The following GRIK4 variants were observed in gnomAD, a reference collection of about 807,000 sequenced individuals.
GRIK4 encodes the protein glutamate receptor ionotropic, kainate 4.
A neutral mutation model predicts 104.9 loss-of-function variants in GRIK4; 40 were observed. The ratio of observed to expected loss-of-function variants is 0.38; its 90% CI spans 0.30 to 0.50. The LOEUF is 0.50. Among genes scored for constraint, GRIK4 ranks in the 20% least tolerant of loss-of-function variants. The pLI is 0.93. For synonymous variants in GRIK4, 485 were observed against 524.9 expected (o/e 0.92, Z 1.04); for missense variants, 1,047 against 1,308.1 (o/e 0.80, Z 3.08).
In GRIK4 at chr11:120,819,904, C is replaced by T. The variant is rs980327996; in HGVS notation, c.495C>T (p.Ile165=). The T allele has an allele frequency of 3.1e-6, 5 of 1,614,004 alleles. No individual in the cohort carries two copies. The highest frequency in any genetic ancestry group is 4.2e-6 in the Non-Finnish European group (5 of 1,180,020). ...NFFNCTTACL[I]CAKAECLLNL... ...TCAACTGCACCACCGCCTGCCTCAT[C>T]TGTGCCAAAGCAGAATGTAAGTTTC... The change falls in exon 6 of 21, where the codon ATC becomes ATT. Residue 165 remains isoleucine, a synonymous_variant. Coordinates refer to ENST00000527524, the MANE Select transcript of GRIK4 (RefSeq NM_014619.5). The surrounding 1 kb of genome is among the most constrained non-coding windows in gnomAD (Gnocchi z 4.3).
rs552036556 is a variant in GRIK4 at position 120,860,639 on chromosome 11, A to G, written c.745-1320A>G. On this transcript the variant is annotated intron_variant, in intron 8 of 20. Transcript: ENST00000527524. ...CTATCTGTCTCTTCCACTAACTGCA[A>G]GCTTCCTGAGGGCAACAAGTGTGTC... Among the ~76,000 whole-genome samples, 9 of 152,306 alleles carry G rather than the reference A, an allele frequency of 5.9e-5. No individual in the cohort carries two copies. In the South Asian group the frequency reaches 1.2e-3, roughly 21 times the overall value.
rs1954697935 is a variant in GRIK4 at position 120,874,158 on chromosome 11, G to C, written c.999G>C (p.Leu333Phe). Residue 333 changes from leucine (L) to phenylalanine (F), a missense_variant, in exon 10 of 21, where the codon TTG (leucine) becomes TTC (phenylalanine). Physicochemically the swap from Leu to Phe is conservative, Grantham distance 22. This residue lies in a region of GRIK4 where 447 missense variants were observed against 514.9 expected (regional missense o/e 0.87). Transcript: ENST00000527524. Reference sequence around the variant, plus strand: ...GCCAAGAGATCGGCGTGAAGCCCTTGTCCTGCGGCTCGGCCCAGATCTGGC... The same window carrying C: ...GCCAAGAGATCGGCGTGAAGCCCTTCTCCTGCGGCTCGGCCCAGATCTGGC... Reference protein sequence around the residue: ...NRSQEIGVKPLSCGSAQIWQH... With the variant: ...NRSQEIGVKPFSCGSAQIWQH... The C allele has an allele frequency of 1.9e-6, 3 of 1,613,860 alleles. No individual in the cohort carries two copies. In the East Asian group the frequency reaches 6.7e-5, roughly 36 times the overall value.
At chr11:120,720,248 G>A (rs1332236238) in intron 3 of GRIK4, among the ~76,000 whole-genome samples, 1 of 152,206 alleles carries the variant, frequency 6.6e-6, no homozygotes, top group Non-Finnish European at 1.5e-5. Context: ...CACAGTCACA[G>A]CGTATTAAGG....
chr11:120,545,792 G>T (rs1355462714), intron 1 of GRIK4, among the ~76,000 whole-genome samples: 1 of 152,180 alleles, frequency 6.6e-6, no homozygotes, highest in Non-Finnish European at 1.5e-5. Flanking sequence ...CAGTTTTAGG[G>T]ATCTTTGGAT....
intron 19 of GRIK4, among the ~76,000 whole-genome samples, chr11:120,969,735 A>G (rs1175003760): frequency 6.6e-6 from 1 of 152,166 alleles, no homozygotes; most frequent in Non-Finnish European, 1.5e-5. Context: ...CAGCAGTGGT[A>G]TTGTGCTCTG....
chr11:120,575,396 C>T (rs1347868587), intron 1 of GRIK4, among the ~76,000 whole-genome samples: 2 of 152,114 alleles, frequency 1.3e-5, no homozygotes, highest in East Asian at 1.9e-4. Flanking sequence ...AACTTGTCTG[C>T]GTCGTTTTAC....
Position 120,751,352 on chromosome 11 carries a change from C to T in GRIK4, c.83-51341C>T, listed in dbSNP as rs1951547900. Reference sequence around the variant, plus strand: ...AAAGAAAAAGGAAAAACAAAAAAGCCTTAGCGGTTCTTGGCTCCAAATCCC... The same window carrying T: ...AAAGAAAAAGGAAAAACAAAAAAGCTTTAGCGGTTCTTGGCTCCAAATCCC... On this transcript the variant is annotated intron_variant, in intron 3 of 20. Coordinates refer to ENST00000527524, the MANE Select transcript of GRIK4 (RefSeq NM_014619.5). 2.0e-5 allele frequency among the ~76,000 whole-genome samples: 3 copies of T among 152,176 alleles called. No homozygotes were observed. The South Asian group carries it at 6.2e-4, about 32-fold the overall frequency.
intron 4 of GRIK4, 112 bp from the exon 5 acceptor site, chr11:120,815,266 G>T: frequency 1.5e-6 from 1 of 661,832 alleles, no homozygotes; most frequent in South Asian, 1.7e-5. Flanking sequence ...CCTGGGCAGC[G>T]GGTGTGCAGA....
chr11:120,883,351 G>A (rs1592034627), intron 11 of GRIK4, among the ~76,000 whole-genome samples: 1 of 152,184 alleles, frequency 6.6e-6, no homozygotes, highest in Non-Finnish European at 1.5e-5. Context: ...AAACCTCCCC[G>A]CTGACAACTG....
At chr11:120,615,980 G>A (rs923647035) in intron 1 of GRIK4, among the ~76,000 whole-genome samples, 1 of 152,014 alleles carries the variant, frequency 6.6e-6, no homozygotes, top group Non-Finnish European at 1.5e-5. Context: ...AGAGGGCAGA[G>A]GGTTACCAGC....
intron 14 of GRIK4, among the ~76,000 whole-genome samples, chr11:120,945,575 T>C (rs11824351): frequency 0.35 from 53,007 of 152,130 alleles, 9,492 homozygotes; most frequent in Admixed American, 0.42. Flanking sequence ...TGGACAGTAC[T>C]GAGCCCCAGG....
chr11:120,824,278 G>T (rs557803838), intron 6 of GRIK4, among the ~76,000 whole-genome samples: 2 of 152,302 alleles, frequency 1.3e-5, no homozygotes, highest in African/African-American at 4.8e-5. Flanking sequence ...TGATGAGGCT[G>T]GGGGAGGAGA....
intron 3 of GRIK4, among the ~76,000 whole-genome samples, chr11:120,701,520 C>T (rs187832651): frequency 3.3e-5 from 5 of 152,250 alleles, no homozygotes; most frequent in East Asian, 3.9e-4. Context: ...TCCACTCATC[C>T]GTTGATAGAC....
At chr11:120,517,295 T>C (rs1307493421) in intron 1 of GRIK4, among the ~76,000 whole-genome samples, 1 of 149,256 alleles carries the variant, frequency 6.7e-6, no homozygotes, top group Non-Finnish European at 1.5e-5. Flanking sequence ...ATTCAGAGGC[T>C]GTGGAGGGTG....
At chr11:120,536,477 G>A (rs1422080595) in intron 1 of GRIK4, among the ~76,000 whole-genome samples, 2 of 152,212 alleles carry the variant, frequency 1.3e-5, no homozygotes, top group African/African-American at 4.8e-5. Context: ...GGAGCTGGTT[G>A]AACAATTGGA....
At chr11:120,881,345 T>C (rs565254519) in intron 11 of GRIK4, among the ~76,000 whole-genome samples, 13 of 152,328 alleles carry the variant, frequency 8.5e-5, no homozygotes, top group Admixed American at 6.5e-4. Flanking sequence ...TTTCTTTTCA[T>C]GTGAACTTTT....
intron 1 of GRIK4, among the ~76,000 whole-genome samples, chr11:120,607,300 G>T (rs774178646): frequency 1.8e-4 from 28 of 152,242 alleles, no homozygotes; most frequent in Non-Finnish European, 3.7e-4. Context: ...TGGTTGAGGG[G>T]CGATCATGGG....
rs561628040 is a variant in GRIK4 at position 120,517,579 on chromosome 11, T to TGCGGGGTGTC, written c.-159+5693_-159+5694insCGGGGTGTCG. ...ATAGCTGTGCTACGCTGCGGGGTGT[T>TGCGGGGTGTC]GGGAGAGAGGACGCAGATGCCTGAG... On this transcript the variant is annotated intron_variant, in intron 1 of 20. Coordinates refer to ENST00000527524, the MANE Select transcript of GRIK4 (RefSeq NM_014619.5). Among the ~76,000 whole-genome samples, 1,513 of 150,664 alleles carry TGCGGGGTGTC rather than the reference T, an allele frequency of 0.01. 153 individuals are homozygous for TGCGGGGTGTC. In the South Asian group the frequency reaches 0.16, roughly 16 times the overall value.
At chr11:120,603,284 C>A (rs1948912199) in intron 1 of GRIK4, among the ~76,000 whole-genome samples, 3 of 152,240 alleles carry the variant, frequency 2.0e-5, no homozygotes, top group Non-Finnish European at 4.4e-5. Context: ...GCTACACTTA[C>A]TTTATTGGCT....
Sources: allele counts gnomAD v4.1 joint callset (sites outside exome capture counted in the v4.1 genomes callset), GRCh38; gene constraint gnomAD v4.1.1; regional missense constraint gnomAD v4.1.1; non-coding constraint Gnocchi (gnomAD v3.1); transcripts MANE v1.5; gene names NCBI Gene and HGNC (gene_info 2026-07-23, HGNC 2026-07-21).